The following APPL2 variants were observed in gnomAD, a reference collection of about 807,000 sequenced individuals.
APPL2 encodes the protein adaptor protein, phosphotyrosine interacting with PH domain and leucine zipper 2.
In APPL2, 84 loss-of-function variants were observed where a neutral mutation model predicts 92.7. The ratio of observed to expected loss-of-function variants is 0.91; its 90% confidence interval spans 0.76 to 1.09. The LOEUF (loss-of-function observed/expected upper bound fraction) is 1.09, where lower values mean the gene tolerates loss of function less well. Among genes scored for constraint, APPL2 ranks in the 50% least tolerant of loss-of-function variants. The probability of loss-of-function intolerance (pLI) is 0.00; values close to 1 mark genes in which losing one functional copy is unlikely to be tolerated. For synonymous variants in APPL2, 291 were observed against 291.0 expected, an observed-to-expected ratio of 1.00 and a Z score of 0.00; for missense variants, 736 against 824.5, an observed-to-expected ratio of 0.89 and a Z score of 1.31.
chr12:105,177,029 AAAAAAGGC>A lies in APPL2; in HGVS notation c.1672-21_1672-14del. 6.2e-7 allele frequency: 1 copy of A among 1,613,848 alleles called. No homozygotes were observed. The highest frequency in any genetic ancestry group is 8.5e-7 in the Non-Finnish European group (1 of 1,179,924). ...TGGTAAGTTCAAACTGGGGGGTGGA[AAAAAAGGC>A]AACAGATCATACAACTACTAGAATT... On this transcript the variant is annotated splice_polypyrimidine_tract_variant and intron_variant, in intron 18 of 20. Transcript: ENST00000258530.
Position 105,203,010 on chromosome 12 carries a change from TACACACACACACACACACAC to T in APPL2, c.704+673_704+692del, listed in dbSNP as rs3838812. Among the ~76,000 whole-genome samples the T allele has an allele frequency of 3.1e-4, 45 of 146,096 alleles. 1 individual carries two copies. Among genetic ancestry groups the T allele is most frequent in the African/African-American group, 9.7e-4 (37 of 38,034 alleles). ...ATTTCCATTTTGTCTATTTGTCAAC[TACACACACACACACACACAC>T]ACACACACACACACACACACACACA... is the stretch of plus-strand genomic sequence containing the variant. On this transcript the variant is annotated intron_variant, in intron 9 of 20. Transcript: ENST00000258530.
In APPL2 at chr12:105,217,091, T is replaced by C. The variant is rs372091392; in HGVS notation, c.263A>G (p.Tyr88Cys). The change falls in exon 4 of 21, where the codon TAT becomes TGT. Residue 88 changes from tyrosine (Y) to cysteine (C), a missense_variant. Physicochemically the swap from Tyr to Cys is radical, Grantham distance 194. Coordinates refer to ENST00000258530, the MANE Select transcript of APPL2 (RefSeq NM_018171.5). ...GDEEVISTLH[Y>C]FSKVVDELNL... ...TACCTCATCCACCACTTTGGAAAAA[T>C]AGTGGAGTGTTGAAATTACTTCTTC... The C allele has an allele frequency of 3.1e-6, 5 of 1,610,418 alleles. No homozygotes were observed. The highest frequency in any genetic ancestry group is 3.3e-5 in the Admixed American group (2 of 59,732).
intron 1 of APPL2, chr12:105,229,804 G>A: frequency 1.0e-6 from 1 of 982,236 alleles, no homozygotes; most frequent in Non-Finnish European, 1.2e-6. Context: ...TTGAGATGGA[G>A]TTTCGCTCTT....
At chr12:105,221,167 C>T (rs1024446197) in intron 2 of APPL2, among the ~76,000 whole-genome samples, 7 of 152,232 alleles carry the variant, frequency 4.6e-5, no homozygotes, top group Non-Finnish European at 8.8e-5. Flanking sequence ...ACGCCCTGTG[C>T]CCTGTGAGGT....
At chr12:105,213,533 T>C (rs1389107145) in intron 4 of APPL2, among the ~76,000 whole-genome samples, 1 of 152,192 alleles carries the variant, frequency 6.6e-6, no homozygotes, top group Non-Finnish European at 1.5e-5. Context: ...ACATCCTGTC[T>C]CAGGTGCACT....
intron 9 of APPL2, 51 bp from the exon 10 acceptor site, chr12:105,199,582 C>G: frequency 6.4e-7 from 1 of 1,570,770 alleles, no homozygotes; most frequent in Non-Finnish European, 8.7e-7. Flanking sequence ...CAACCCAGCA[C>G]TACTAAGAAG....
chr12:105,223,515 A>AG (rs59116450), intron 2 of APPL2, among the ~76,000 whole-genome samples: 2 of 152,048 alleles, frequency 1.3e-5, no homozygotes, highest in African/African-American at 2.4e-5. Flanking sequence ...GACAGTTTCG[A>AG]GGGGGGTGTT....
At position 105,208,164 on chromosome 12, in the gene APPL2, T is replaced by C. The variant is rs1888909734; in HGVS notation, c.409A>G (p.Ser137Gly). The C allele has an allele frequency of 6.2e-7, 1 of 1,614,222 alleles. No homozygotes were observed. The highest frequency in any genetic ancestry group is 1.7e-5 in the Admixed American group (1 of 60,030). The change falls in exon 6 of 21, where the codon AGC becomes GGC. Residue 137 changes from serine to glycine, a missense_variant. Coordinates refer to ENST00000258530, the MANE Select transcript of APPL2 (RefSeq NM_018171.5). ...STLKDLFGLASNEHDLSMAKY... is the reference protein window; with the variant it reads ...STLKDLFGLAGNEHDLSMAKY... ...GAATGGAGAAGGTGCCTACCATTGC[T>C]AGCGAGTCCAAATAGATCCTTTAAA...
chr12:105,211,137 G>T (rs764547598), intron 5 of APPL2, 93 bp downstream of exon 5: 25 of 901,346 alleles, frequency 2.8e-5, no homozygotes, highest in Non-Finnish European at 4.3e-5. Context: ...ATTTCTCAGC[G>T]ATCCACACAT....
chr12:105,219,595 T>C (rs1889946012), intron 2 of APPL2, among the ~76,000 whole-genome samples: 1 of 152,228 alleles, frequency 6.6e-6, no homozygotes, highest in Non-Finnish European at 1.5e-5. Context: ...TTCATCTAAA[T>C]TCCAAGTTTA....
At chr12:105,229,060 G>C in intron 2 of APPL2, 65 bp downstream of exon 2, 1 of 1,344,772 alleles carries the variant, frequency 7.4e-7, no homozygotes, top group African/African-American at 1.5e-5. Context: ...AACCTCTGAG[G>C]GAAGTTCAGG....
intron 2 of APPL2, among the ~76,000 whole-genome samples, chr12:105,225,939 T>C (rs1300375644): frequency 1.3e-5 from 2 of 151,764 alleles, no homozygotes; most frequent in Non-Finnish European, 2.9e-5. Flanking sequence ...TGAACACTTA[T>C]CATTTATCAG....
At chr12:105,186,667 T>TATATG (rs1886708024) in intron 17 of APPL2, among the ~76,000 whole-genome samples, 3 of 33,124 alleles carry the variant, frequency 9.1e-5, no homozygotes, top group Admixed American at 4.3e-4. Context: ...ATATATATCA[T>TATATG]ATATATGATA....
At chr12:105,199,656 C>A in intron 9 of APPL2, 125 bp from the exon 10 acceptor site, 1 of 989,846 alleles carries the variant, frequency 1.0e-6, no homozygotes, top group East Asian at 2.6e-5. Context: ...CTGCCAGCCT[C>A]CTACAGGGCC....
At chr12:105,211,896 G>A (rs565703235) in intron 4 of APPL2, among the ~76,000 whole-genome samples, 12 of 152,210 alleles carry the variant, frequency 7.9e-5, no homozygotes, top group South Asian at 2.1e-4. Flanking sequence ...TGAGGCAGGC[G>A]GATCATGAGG....
At chr12:105,201,414 G>A (rs768550647) in intron 9 of APPL2, among the ~76,000 whole-genome samples, 5 of 152,170 alleles carry the variant, frequency 3.3e-5, no homozygotes, top group Non-Finnish European at 7.3e-5. Flanking sequence ...GAAGGGGAAG[G>A]AGGGACCAAG....
At chr12:105,187,229 G>A (rs1886814081) in intron 17 of APPL2, among the ~76,000 whole-genome samples, 1 of 152,180 alleles carries the variant, frequency 6.6e-6, no homozygotes, top group Admixed American at 6.5e-5. Context: ...CATAATAAAT[G>A]AAAAGGATGG....
At chr12:105,235,715 G>A (rs1056605455) in intron 1 of APPL2, among the ~76,000 whole-genome samples, 6 of 152,110 alleles carry the variant, frequency 3.9e-5, no homozygotes, top group Non-Finnish European at 5.9e-5. Context: ...CTTGCAGGGG[G>A]GTCACGACAT....
At chr12:105,212,118 C>CAAAAAA (rs5800657) in intron 4 of APPL2, among the ~76,000 whole-genome samples, 5 of 72,390 alleles carry the variant, frequency 6.9e-5, no homozygotes, top group Admixed American at 1.9e-4. Context: ...GACTCCATCT[C>CAAAAAA]AAAAAAAAAA....
Sources: gnomAD v4.1 joint callset for allele counts (sites outside exome capture counted in the v4.1 genomes callset) on GRCh38, gnomAD v4.1.1 for gene constraint, MANE v1.5 for transcripts, NCBI Gene and HGNC (gene_info 2026-07-23, HGNC 2026-07-21) for gene names.